The following WNK1 variants were observed in gnomAD, a reference collection of about 807,000 sequenced individuals.
WNK1 encodes serine/threonine-protein kinase WNK1.
In WNK1, 38 loss-of-function variants were observed where a neutral mutation model predicts 222.8. The ratio of observed to expected loss-of-function variants is 0.17; its 90% CI spans 0.13 to 0.22. The LOEUF (loss-of-function observed/expected upper bound fraction) is 0.22, where lower values mean the gene tolerates loss of function less well. WNK1 is among the 10% of genes least tolerant of loss of function. The pLI is 1.00. For synonymous variants in WNK1, 1,090 were observed against 1,092.9 expected, an observed-to-expected ratio of 1.00 and a Z score of 0.05; for missense variants, 2,348 against 2,918.4, an observed-to-expected ratio of 0.80 and a Z score of 4.50.
intron 1 of WNK1, among the ~76,000 whole-genome samples, chr12:804,926 T>C (rs1946229681): frequency 1.3e-5 from 1 of 77,822 alleles, no homozygotes; most frequent in African/African-American, 4.1e-5. Context: ...ATATAATTAA[T>C]ATTTTATAAA....
In WNK1 at chr12:885,037, C is replaced by T. The variant is rs149295230; in HGVS notation, c.4233C>T (p.Ser1411=). 1.2e-5 allele frequency: 20 copies of T among 1,614,070 alleles called. No individual in the cohort carries two copies. Among genetic ancestry groups the T allele is most frequent in the African/African-American group, 6.7e-5 (5 of 74,908 alleles). ...TGTCTGAATCACCAGTACTTTCCAG[C>T]GTAGTTTCAAGTATCACAATACCTG... is the stretch of plus-strand genomic sequence containing the variant. The part of the protein sequence containing the change: ...PPVSESPVLS[S]VVSSITIPAV... Residue 1411 remains serine, a synonymous_variant, in exon 19 of 28, where the codon AGC becomes AGT. Transcript: ENST00000315939.
At position 807,911 on chromosome 12, in the gene WNK1, G is replaced by A. The variant is rs530513400; in HGVS notation, c.760-5731G>A. Among the ~76,000 whole-genome samples, 145 of 151,896 alleles carry A rather than the reference G, an allele frequency of 9.5e-4. 2 individuals carry two copies. Among genetic ancestry groups the A allele is most frequent in the South Asian group, 7.5e-3 (36 of 4,808 alleles). On this transcript the variant is annotated intron_variant, in intron 1 of 27. Coordinates refer to ENST00000315939, the MANE Select transcript of WNK1 (RefSeq NM_018979.4). ...ATTTTTTGTATTTTTAGTAGAGACG[G>A]GGTTTCACCGTGTTAGCCAGGATGG...
At chr12:817,127 A>G (rs7959921) in intron 2 of WNK1, among the ~76,000 whole-genome samples, 107,538 of 152,086 alleles carry the variant, frequency 0.71, 38,676 homozygotes, top group East Asian at 0.87. Flanking sequence ...GCAACAGAAC[A>G]CACAAAAAAG....
chr12:905,528 A>G (rs968627889), intron 26 of WNK1, among the ~76,000 whole-genome samples: 3 of 152,140 alleles, frequency 2.0e-5, no homozygotes, highest in African/African-American at 7.2e-5. Flanking sequence ...AGCTTCTTGT[A>G]TTTAGCTTTT....
intron 8 of WNK1, chr12:868,880 G>A: frequency 6.2e-7 from 1 of 1,609,662 alleles, no homozygotes; most frequent in East Asian, 2.2e-5. Context: ...ATATTCCAGT[G>A]ATTCCTCACA....
intron 10 of WNK1, among the ~76,000 whole-genome samples, chr12:878,778 G>T (rs1952849423): frequency 8.2e-6 from 1 of 122,294 alleles, no homozygotes; most frequent in Non-Finnish European, 1.9e-5. Flanking sequence ...TGTTTACTGT[G>T]TGGAATGTTT....
intron 4 of WNK1, among the ~76,000 whole-genome samples, chr12:841,865 T>C (rs763963816): frequency 1.4e-4 from 21 of 152,200 alleles, no homozygotes; most frequent in Non-Finnish European, 2.8e-4. Context: ...CATGACCTGA[T>C]CTGCTCTCAT....
At chr12:839,601 T>C (rs1047088611) in intron 4 of WNK1, among the ~76,000 whole-genome samples, 1 of 152,190 alleles carries the variant, frequency 6.6e-6, no homozygotes, top group Non-Finnish European at 1.5e-5. Context: ...ATATATATAC[T>C]TAAGATCAAA....
At chr12:784,394 G>A (rs1435562132) in intron 1 of WNK1, among the ~76,000 whole-genome samples, 1 of 152,012 alleles carries the variant, frequency 6.6e-6, no homozygotes, top group Non-Finnish European at 1.5e-5. Context: ...CAAGAAGTTG[G>A]TGATAAAAAT....
chr12:862,486 G>C (rs1280181947), intron 8 of WNK1, among the ~76,000 whole-genome samples: 1 of 152,218 alleles, frequency 6.6e-6, no homozygotes, highest in African/African-American at 2.4e-5. Flanking sequence ...GCAAGATTTA[G>C]ATTAGTCTGC....
intron 1 of WNK1, among the ~76,000 whole-genome samples, chr12:804,839 A>C (rs1292392763): frequency 6.6e-6 from 1 of 150,860 alleles, no homozygotes; most frequent in Non-Finnish European, 1.5e-5. Context: ...GGCTTATTTT[A>C]CCTAGCTTAA....
intron 10 of WNK1, 100 bp from the exon 11 acceptor site, chr12:879,473 C>CTTTT: frequency 1.8e-6 from 1 of 558,702 alleles, no homozygotes; most frequent in South Asian, 2.8e-5. Context: ...TTTTTTCCTT[C>CTTTT]TTTTTGGCTA....
At chr12:778,259 A>G (rs1943317885) in intron 1 of WNK1, among the ~76,000 whole-genome samples, 1 of 152,132 alleles carries the variant, frequency 6.6e-6, no homozygotes, top group Non-Finnish European at 1.5e-5. Context: ...TTTAAAAGGC[A>G]TTGAAAATCT....
At chr12:857,674 A>G (rs993550803) in intron 5 of WNK1, among the ~76,000 whole-genome samples, 1 of 152,256 alleles carries the variant, frequency 6.6e-6, no homozygotes, top group Non-Finnish European at 1.5e-5. Context: ...TCCTTACGCC[A>G]GAATTGAAGA....
chr12:896,494 G>A lies in WNK1; in HGVS notation c.6007G>A (p.Glu2003Lys). The A allele has an allele frequency of 6.2e-7, 1 of 1,613,926 alleles. No homozygotes were observed. The highest frequency in any genetic ancestry group is 8.5e-7 in the Non-Finnish European group (1 of 1,180,008). ...IPKKEKPELS[E>K]PSHLNGPSSD... ...AAAGAAAGAGAAGCCTGAACTGTCA[G>A]AGCCTTCACATCTAAATGGGCCGTC... The change falls in exon 24 of 28, where the codon GAG (glutamate) becomes AAG (lysine). Residue 2003 changes from glutamate to lysine, a missense_variant. This residue lies in a region of WNK1 where 1,144 missense variants were observed against 1,273.6 expected (regional missense o/e 0.90). Transcript: ENST00000315939.
chr12:790,616 G>T (rs1944743599), intron 1 of WNK1, among the ~76,000 whole-genome samples: 1 of 152,122 alleles, frequency 6.6e-6, no homozygotes, highest in Non-Finnish European at 1.5e-5. Flanking sequence ...TTTTGAAAAA[G>T]AACATATAAT....
At chr12:890,337 T>C (rs1954098153) in intron 21 of WNK1, 116 bp from the exon 22 acceptor site, 1 of 1,001,886 alleles carries the variant, frequency 1.0e-6, no homozygotes, top group Non-Finnish European at 1.6e-6. Flanking sequence ...CATAAGTGTT[T>C]CATCACATAT....
At chr12:865,327 A>C (rs1419663196) in intron 8 of WNK1, 1 of 1,536,048 alleles carries the variant, frequency 6.5e-7, no homozygotes, top group Non-Finnish European at 8.7e-7. Flanking sequence ...CAGCGCAAGC[A>C]CCGACGCTCC....
intron 1 of WNK1, among the ~76,000 whole-genome samples, chr12:766,636 G>A (rs140036384): frequency 0.021 from 3,226 of 150,232 alleles, 113 homozygotes; most frequent in Admixed American, 0.1. Flanking sequence ...GCACCACCAT[G>A]CCCAGCTAAT....
Sources: gnomAD v4.1 joint callset for allele counts (sites outside exome capture counted in the v4.1 genomes callset) on GRCh38, gnomAD v4.1.1 for gene constraint, gnomAD v4.1.1 regional missense constraint, MANE v1.5 for transcripts, NCBI Gene and HGNC (gene_info 2026-07-23, HGNC 2026-07-21) for gene names.